Variants in RPP14 observed in about 807,000 individuals in gnomAD.
RPP14 encodes the protein ribonuclease P/MRP subunit p14.
In RPP14, 19 loss-of-function variants were observed where a neutral mutation model predicts 17.8. The ratio of observed to expected loss-of-function variants is 1.07; its 90% CI spans 0.74 to 1.57. The LOEUF is 1.57. Ranked by LOEUF, RPP14 falls within the 40% of genes most tolerant of loss-of-function variation. The pLI, the probability that RPP14 is intolerant of heterozygous loss-of-function variation, is 0.00. For synonymous variants in RPP14, 60 were observed against 56.4 expected, an observed-to-expected ratio of 1.06 and a Z score of -0.29; for missense variants, 125 against 140.8, an observed-to-expected ratio of 0.89 and a Z score of 0.57.
chr3:58,306,614 G>C (rs899598866), intron 1 of RPP14, 197 bp downstream of exon 1: 1 of 152,044 alleles, frequency 6.6e-6, no homozygotes, highest in African/African-American at 2.4e-5. Flanking sequence ...GAGACTTCGG[G>C]ACCGTGTCCT....
chr3:58,320,121 A>C lies in RPP14; in HGVS notation c.*2625A>C, dbSNP rs1289617316. On this transcript the variant is annotated 3_prime_UTR_variant, in exon 6 of 6. Transcript: ENST00000295959. The stretch of plus-strand genomic sequence containing the variant: ...TTGATATAGCATGTTTTCAGGGTTC[A>C]TCCATGTTACAGCATGTATCAGTAC... The C allele has an allele frequency of 6.6e-6, 1 of 152,136 alleles. No homozygotes were observed. The highest frequency in any genetic ancestry group is 6.6e-5 in the Admixed American group (1 of 15,262). The allele number at this position is 152,136 out of a possible 1,614,324, so 9.4% of individuals were successfully genotyped here.
At chr3:58,311,888 T>C (rs1009085545) in intron 3 of RPP14, among the ~76,000 whole-genome samples, 1 of 152,186 alleles carries the variant, frequency 6.6e-6, no homozygotes, top group Non-Finnish European at 1.5e-5. Context: ...GTTTTTTGTT[T>C]TTGAGATGAA....
chr3:58,317,826 CTT>C lies in RPP14; in HGVS notation c.*332_*333del, dbSNP rs1188894887. ...TCAATCCTTTGCATTTGAATGAAGA[CTT>C]TGCAAAACACACCAAGTTTGGAAAT... On this transcript the variant is annotated 3_prime_UTR_variant, in exon 6 of 6. Coordinates refer to ENST00000295959, the MANE Select transcript of RPP14 (RefSeq NM_007042.6). The C allele has an allele frequency of 8.5e-6, 6 of 703,048 alleles. No individual in the cohort carries two copies. Among genetic ancestry groups the C allele is most frequent in the East Asian group, 2.7e-5 (1 of 37,292 alleles). 43.6% of individuals were successfully genotyped at this position (703,048 alleles called of 1,614,324 possible).
intron 3 of RPP14, among the ~76,000 whole-genome samples, chr3:58,313,483 A>G (rs1321178979): frequency 6.6e-6 from 1 of 152,196 alleles, no homozygotes; most frequent in Non-Finnish European, 1.5e-5. Context: ...AAATATGCTA[A>G]GTACCTCATC....
At chr3:58,309,036 C>T (rs748330373) in intron 1 of RPP14, among the ~76,000 whole-genome samples, 3 of 152,198 alleles carry the variant, frequency 2.0e-5, no homozygotes, top group Non-Finnish European at 2.9e-5. Flanking sequence ...TCCCTCTTCT[C>T]AACCCCTGTG....
intron 3 of RPP14, 40 bp from the exon 4 acceptor site, chr3:58,316,475 T>C (rs1246019727): frequency 1.3e-6 from 2 of 1,544,418 alleles, no homozygotes; most frequent in South Asian, 2.2e-5. Flanking sequence ...TCAAGAATAA[T>C]GGTGAGAATA....
At position 58,316,983 on chromosome 3, in the gene RPP14, G is replaced by T; in HGVS notation, c.308G>T (p.Arg103Leu). 6 of 1,612,870 alleles carry T rather than the reference G, an allele frequency of 3.7e-6. No homozygotes were observed. Among genetic ancestry groups the T allele is most frequent in the Non-Finnish European group, 5.1e-6 (6 of 1,178,994 alleles). ...TATAAAGGCAAAAAATGTGCTTTCC[G>T]GGTGATTCAGGTAAAGACTATTCCC... Reference protein sequence around the residue: ...GSYKGKKCAFRVIQVSPFLLA... With the variant: ...GSYKGKKCAFLVIQVSPFLLA... Residue 103 changes from arginine to leucine, a missense_variant, in exon 5 of 6, where the codon CGG (arginine) becomes CTG (leucine). Physicochemically the swap from Arg to Leu is moderately radical, Grantham distance 102. Coordinates refer to ENST00000295959, the MANE Select transcript of RPP14 (RefSeq NM_007042.6).
In RPP14 at chr3:58,318,974, CAG is replaced by C. The variant is rs2097491503; in HGVS notation, c.*1481_*1482del. 1.4e-5 allele frequency: 2 copies of C among 147,764 alleles called. No homozygotes were observed. The highest frequency in any genetic ancestry group is 1.4e-4 in the Admixed American group (2 of 14,700). 9.2% of individuals were successfully genotyped at this position (147,764 alleles called of 1,614,324 possible). A position where few individuals can be genotyped will look rare whatever the true frequency, so the allele number is the denominator to read the frequency against. Reference sequence around the variant, plus strand: ...CACCACTGCACTTCAGCCTGGGTGACAGAGCAAAACTCCACCTCAAAAAAAAA... The same window carrying C: ...CACCACTGCACTTCAGCCTGGGTGACAGCAAAACTCCACCTCAAAAAAAAA... On this transcript the variant is annotated 3_prime_UTR_variant, in exon 6 of 6. Coordinates refer to ENST00000295959, the MANE Select transcript of RPP14 (RefSeq NM_007042.6).
chr3:58,313,555 G>T (rs145835335), intron 3 of RPP14, among the ~76,000 whole-genome samples: 2 of 152,306 alleles, frequency 1.3e-5, no homozygotes, highest in South Asian at 4.1e-4. Context: ...AGGTGCAGTG[G>T]CTCACAGCTG....
Position 58,319,604 on chromosome 3 carries a change from C to T in RPP14, c.*2108C>T, listed in dbSNP as rs2097492285. 1 of 150,440 alleles carries T rather than the reference C, an allele frequency of 6.6e-6. No individual in the cohort carries two copies. The highest frequency in any genetic ancestry group is 6.7e-5 in the Admixed American group (1 of 14,986). The allele number at this position is 150,440 out of a possible 1,614,324, so 9.3% of individuals were successfully genotyped here. A position where few individuals can be genotyped will look rare whatever the true frequency, so the allele number is the denominator to read the frequency against. On this transcript the variant is annotated 3_prime_UTR_variant, in exon 6 of 6. Coordinates refer to ENST00000295959, the MANE Select transcript of RPP14 (RefSeq NM_007042.6). ...TCCTTGAAAATTTGGATCTACCTCC[C>T]ATTATTATGAGTAATACATGCTTAT...
In RPP14 at chr3:58,316,602, G is replaced by C. The variant is rs2097488523; in HGVS notation, c.239+11G>C. 6.2e-7 allele frequency: 1 copy of C among 1,610,234 alleles called. No homozygotes were observed. The highest frequency in any genetic ancestry group is 1.1e-5 in the South Asian group (1 of 90,964). ...GAGAATATGTAGCAGGTATGACAGA[G>C]AGTGGGAAATTTCTAGTATAACAGG... On this transcript the variant is annotated intron_variant, in intron 4 of 5. Coordinates refer to ENST00000295959, the MANE Select transcript of RPP14 (RefSeq NM_007042.6).
chr3:58,306,861 G>A (rs183917596), intron 1 of RPP14, among the ~76,000 whole-genome samples: 1 of 152,270 alleles, frequency 6.6e-6, no homozygotes, highest in East Asian at 1.9e-4. Context: ...GGTGGGGAGG[G>A]GAAGTACAGA....
chr3:58,318,301 A>AG lies in RPP14; in HGVS notation c.*806dup. 1 of 517,672 alleles carries AG rather than the reference A, an allele frequency of 1.9e-6. No individual in the cohort carries two copies. The highest frequency in any genetic ancestry group is 3.3e-5 in the South Asian group (1 of 30,604). The allele number at this position is 517,672 out of a possible 1,614,324, so 32.1% of individuals were successfully genotyped here. On this transcript the variant is annotated 3_prime_UTR_variant, in exon 6 of 6. Coordinates refer to ENST00000295959, the MANE Select transcript of RPP14 (RefSeq NM_007042.6). Reference sequence around the variant, plus strand: ...TCCAGTTTGGCCTTATGCTTCATGCAGACTTGAGTGTATGCAGGATTTCAT... The same window carrying AG: ...TCCAGTTTGGCCTTATGCTTCATGCAGGACTTGAGTGTATGCAGGATTTCAT...
chr3:58,311,616 A>G (rs561427262), intron 3 of RPP14, among the ~76,000 whole-genome samples: 1 of 151,506 alleles, frequency 6.6e-6, no homozygotes, highest in African/African-American at 2.4e-5. Flanking sequence ...CCATTGTAAT[A>G]TATACCACTT....
At chr3:58,316,875 T>C (rs1575548325) in intron 4 of RPP14, 40 bp from the exon 5 acceptor site, 1 of 1,505,324 alleles carries the variant, frequency 6.6e-7, no homozygotes, top group Non-Finnish European at 9.1e-7. Context: ...TTTTGTTCTC[T>C]GTCTATGACA....
intron 1 of RPP14, among the ~76,000 whole-genome samples, chr3:58,308,888 A>T (rs1302546369): frequency 6.6e-6 from 1 of 152,258 alleles, no homozygotes; most frequent in Non-Finnish European, 1.5e-5. Context: ...AAGTTGAAGG[A>T]TGAATAGGAC....
In RPP14 at chr3:58,310,305, G is replaced by A. The variant is rs916182330; in HGVS notation, c.-21-4G>A. 3.1e-6 allele frequency: 5 copies of A among 1,606,594 alleles called. No individual in the cohort carries two copies. The highest frequency in any genetic ancestry group is 2.7e-5 in the African/African-American group (2 of 74,750). ...TCATTTCTAGCCCTCTTGACTTACTGTAGGTGTGATCAGCACTGGAAAAGA... is the reference window on the plus strand; with the variant it reads ...TCATTTCTAGCCCTCTTGACTTACTATAGGTGTGATCAGCACTGGAAAAGA... On this transcript the variant is annotated splice_polypyrimidine_tract_variant and splice_region_variant and intron_variant, in intron 1 of 5. Transcript: ENST00000295959.
rs1453101431 is a variant in RPP14, at chr3:58,317,770, G to GTGGC, written c.*276_*279dup. 1 of 703,206 alleles carries GTGGC rather than the reference G, an allele frequency of 1.4e-6. No individual in the cohort carries two copies. Among genetic ancestry groups the GTGGC allele is most frequent in the Non-Finnish European group, 2.6e-6 (1 of 385,006 alleles). The allele number at this position is 703,206 out of a possible 1,614,324, so 43.6% of individuals were successfully genotyped here. A position where few individuals can be genotyped will look rare whatever the true frequency, so the allele number is the denominator to read the frequency against. Reference sequence around the variant, plus strand: ...TAGGAGGGCCTTCACACAGACTGATGTGGCTACCTTCTCAGAATTAACAGG... The same window carrying GTGGC: ...TAGGAGGGCCTTCACACAGACTGATGTGGCTGGCTACCTTCTCAGAATTAACAGG... On this transcript the variant is annotated 3_prime_UTR_variant, in exon 6 of 6. Coordinates refer to ENST00000295959, the MANE Select transcript of RPP14 (RefSeq NM_007042.6).
In RPP14 at chr3:58,310,597, G is replaced by A; in HGVS notation, c.162+6G>A. On this transcript the variant is annotated splice_donor_region_variant and intron_variant, in intron 3 of 5. Transcript: ENST00000295959. ...TGAAGGACCTGTTTGGGGAGGTATG[G>A]AATCACTTGGTAGATTGAACATTCC... The A allele has an allele frequency of 1.2e-6, 2 of 1,606,994 alleles. No individual in the cohort carries two copies. The highest frequency in any genetic ancestry group is 2.2e-5 in the South Asian group (2 of 90,532).
Sources: allele counts gnomAD v4.1 joint callset (sites outside exome capture counted in the v4.1 genomes callset), GRCh38; gene constraint gnomAD v4.1.1; transcripts MANE v1.5; gene names NCBI Gene and HGNC (gene_info 2026-07-23, HGNC 2026-07-21).